The following TRPM1 variants were observed in gnomAD, a reference collection of about 807,000 sequenced individuals.
TRPM1 encodes TRPM1-203 APA Isoform, Intron 10.
TRPM1 carries 113 observed loss-of-function variants against 149.4 expected under a neutral mutation model. The ratio of observed to expected loss-of-function variants is 0.76; its 90% CI spans 0.65 to 0.88. The LOEUF (loss-of-function observed/expected upper bound fraction) is 0.88. Among genes scored for constraint, TRPM1 ranks in the 40% least tolerant of loss-of-function variants. The pLI, the probability that TRPM1 is intolerant of heterozygous loss-of-function variation, is 0.00. For synonymous variants in TRPM1, 741 were observed against 759.5 expected (o/e 0.98, Z 0.40); for missense variants, 1,976 against 2,038.7 (o/e 0.97, Z 0.59).
At chr15:31,082,691 CTTAT>C (rs2034892496) in intron 1 of TRPM1, among the ~76,000 whole-genome samples, 1 of 152,068 alleles carries the variant, frequency 6.6e-6, no homozygotes, top group African/African-American at 2.4e-5. Context: ...CAGCTCTGTA[CTTAT>C]TTATTTTTTA....
At chr15:31,110,120 C>A (rs1262532444) in intron 1 of TRPM1, among the ~76,000 whole-genome samples, 2 of 152,110 alleles carry the variant, frequency 1.3e-5, no homozygotes, top group Non-Finnish European at 2.9e-5. Context: ...CTGTTGAATT[C>A]TTTACATATA....
chr15:31,028,431 G>A lies in TRPM1; in HGVS notation c.3194C>T (p.Pro1065Leu), dbSNP rs2032893734. Residue 1065 changes from proline to leucine, a missense_variant, in exon 25 of 28, where the codon CCT (proline) becomes CTT (leucine). This residue lies in a region of TRPM1 where 1,332 missense variants were observed against 1,347.1 expected (regional missense o/e 0.99). Coordinates refer to ENST00000256552, the MANE Select transcript of TRPM1 (RefSeq NM_001252024.2). ...GAGCCAGGCGCCGGGGATACAGGGA[G>A]GAAGCCGCTTGCCCTCCTCATCATA... ...NLYDEEGKRLPPCIPGAWLTP... is the reference protein window; with the variant it reads ...NLYDEEGKRLLPCIPGAWLTP... 6.2e-7 allele frequency: 1 copy of A among 1,614,104 alleles called. No individual in the cohort carries two copies. The highest frequency in any genetic ancestry group is 8.5e-7 in the Non-Finnish European group (1 of 1,180,036).
Position 31,001,691 on chromosome 15 carries a change from G to A in TRPM1, c.*131C>T. On this transcript the variant is annotated 3_prime_UTR_variant, in exon 28 of 28. Coordinates refer to ENST00000256552, the MANE Select transcript of TRPM1 (RefSeq NM_001252024.2). ...AATACTACTTTTAGTGCATTAAATT[G>A]TAAATCAAGTCTGAATTTCCAAAAT... The A allele has an allele frequency of 1.1e-6, 1 of 936,022 alleles. No homozygotes were observed. Among genetic ancestry groups the A allele is most frequent in the Non-Finnish European group, 1.6e-6 (1 of 633,890 alleles). The allele number at this position is 936,022 out of a possible 1,614,324, so 58.0% of individuals were successfully genotyped here.
intron 1 of TRPM1, among the ~76,000 whole-genome samples, chr15:31,093,375 C>CA (rs1196014065): frequency 6.7e-6 from 1 of 148,768 alleles, no homozygotes; most frequent in Non-Finnish European, 1.5e-5. Context: ...GATCACCATA[C>CA]AAAAATTGGA....
chr15:31,060,721 GCA>G, intron 10 of TRPM1, 77 bp from the exon 11 acceptor site: 1 of 1,166,532 alleles, frequency 8.6e-7, no homozygotes, highest in Non-Finnish European at 1.3e-6. Flanking sequence ...TGGGTGGTGA[GCA>G]CAGGCTTCCC....
chr15:31,118,464 T>C (rs1441802014), intron 1 of TRPM1, among the ~76,000 whole-genome samples: 2 of 151,920 alleles, frequency 1.3e-5, no homozygotes, highest in African/African-American at 4.8e-5. Flanking sequence ...TATGTGGACC[T>C]ATCGTGTTCA....
chr15:31,062,992 A>T lies in TRPM1; in HGVS notation c.965+126T>A. 2.3e-6 allele frequency: 3 copies of T among 1,312,202 alleles called. 1 individual carries two copies. The highest frequency in any genetic ancestry group is 2.1e-6 in the Non-Finnish European group (2 of 930,838). 81.3% of individuals were successfully genotyped at this position (1,312,202 alleles called of 1,614,324 possible). A position where few individuals can be genotyped will look rare whatever the true frequency, so the allele number is the denominator to read the frequency against. On this transcript the variant is annotated intron_variant, in intron 8 of 27. Coordinates refer to ENST00000256552, the MANE Select transcript of TRPM1 (RefSeq NM_001252024.2). ...TGCTGACCTGAGGAAATGGGAGAGG[A>T]GATCTAGCAAATCTTCCTGATTTAA...
chr15:31,036,658 C>T (rs944446759), intron 20 of TRPM1, among the ~76,000 whole-genome samples: 5 of 152,238 alleles, frequency 3.3e-5, no homozygotes, highest in African/African-American at 9.6e-5. Flanking sequence ...TGAGAGGCCT[C>T]GATGGCTTCC....
chr15:31,030,322 G>T (rs563345980), intron 23 of TRPM1, among the ~76,000 whole-genome samples: 16 of 152,054 alleles, frequency 1.1e-4, no homozygotes, highest in South Asian at 4.1e-4. Context: ...GACTAAAAGT[G>T]CCTCCTTCAC....
chr15:31,125,662 G>A (rs866039091), intron 1 of TRPM1, among the ~76,000 whole-genome samples: 9 of 135,222 alleles, frequency 6.7e-5, no homozygotes, highest in Non-Finnish European at 1.1e-4. Flanking sequence ...CCCGGGAGGC[G>A]GAGCTTGCAG....
chr15:31,068,200 C>T (rs2140964249), intron 4 of TRPM1, 108 bp from the exon 5 acceptor site: 1 of 997,142 alleles, frequency 1.0e-6, no homozygotes, highest in Non-Finnish European at 1.6e-6. Flanking sequence ...TGGCTTGTCT[C>T]TTCCTCAGGG....
At chr15:31,106,515 C>T (rs8025698), upstream of TRPM1, among the ~76,000 whole-genome samples, 61,433 of 152,062 alleles carry the variant, frequency 0.4, 13,066 homozygotes, top group East Asian at 0.72. Flanking sequence ...TGTTTCTCTC[C>T]GCCTCTTTCT....
Position 31,063,177 on chromosome 15 carries a change from A to G in TRPM1, c.906T>C (p.Asp302=). The G allele has an allele frequency of 2.5e-6, 4 of 1,614,222 alleles. No individual in the cohort carries two copies. The highest frequency in any genetic ancestry group is 3.4e-6 in the Non-Finnish European group (4 of 1,180,044). ...GGATGTCCGAGGCACGTCCGCTGCC[A>G]TCACAAATCACCACAGGGATGGGAG... ...EEPPIPVVIC[D]GSGRASDILS... is the part of the protein sequence containing the mutation. Residue 302 remains aspartate, a synonymous_variant, in exon 8 of 28, where the codon GAT becomes GAC. Transcript: ENST00000256552.
At chr15:31,072,928 A>C (rs2034598092) in intron 3 of TRPM1, among the ~76,000 whole-genome samples, 1 of 152,056 alleles carries the variant, frequency 6.6e-6, no homozygotes, top group Admixed American at 6.6e-5. Flanking sequence ...CCCTTATCAG[A>C]GACATAATTC....
chr15:31,113,191 G>T (rs1223786372), intron 1 of TRPM1, among the ~76,000 whole-genome samples: 1 of 152,146 alleles, frequency 6.6e-6, no homozygotes. Context: ...ACCTTCTCCA[G>T]CTGGTGAATG....
At chr15:31,045,425 C>T (rs902742317) in intron 16 of TRPM1, among the ~76,000 whole-genome samples, 4 of 152,136 alleles carry the variant, frequency 2.6e-5, no homozygotes, top group Admixed American at 2.0e-4. Flanking sequence ...TCTAACTCCC[C>T]CCAAATTTTT....
At position 31,026,934 on chromosome 15, in the gene TRPM1, C is replaced by T; in HGVS notation, c.3477G>A (p.Glu1159=). 6.2e-7 allele frequency: 1 copy of T among 1,614,012 alleles called. No individual in the cohort carries two copies. The change falls in exon 26 of 28, where the codon GAG becomes GAA. Residue 1159 remains glutamate, a synonymous_variant. Transcript: ENST00000256552. The part of the protein sequence containing the change: ...RCRKKREGDQ[E]ERDRGLKLFL... ...ACATACTCAATCCACGATCCCGTTC[C>T]TCTTGGTCCCCTTCTCTCTTTTTCC...
rs746545492 is a variant in TRPM1, at chr15:31,001,911, T to G, written c.4789A>C (p.Ser1597Arg). 1 of 1,614,200 alleles carries G rather than the reference T, an allele frequency of 6.2e-7. No homozygotes were observed. The highest frequency in any genetic ancestry group is 8.5e-7 in the Non-Finnish European group (1 of 1,180,030). Residue 1597 changes from serine to arginine, a missense_variant, in exon 28 of 28, where the codon AGT becomes CGT. This residue lies in a region of TRPM1 where 572 missense variants were observed against 578.9 expected (regional missense o/e 0.99). Transcript: ENST00000256552. ...GKLDRSGHASSVSSLVIVSGM... is the reference protein window; with the variant it reads ...GKLDRSGHASRVSSLVIVSGM... ...GACACAATTACTAAGCTGCTTACACTACTGGCATGTCCAGATCTGTCTAAC... is the reference window on the plus strand; with the variant it reads ...GACACAATTACTAAGCTGCTTACACGACTGGCATGTCCAGATCTGTCTAAC...
chr15:31,055,711 C>T (rs182493321), intron 11 of TRPM1, among the ~76,000 whole-genome samples: 17 of 152,282 alleles, frequency 1.1e-4, no homozygotes, highest in East Asian at 3.9e-4. Flanking sequence ...GAGGTTCAGG[C>T]GATACTCTCC....
Sources: gnomAD v4.1 joint callset for allele counts (sites outside exome capture counted in the v4.1 genomes callset) on GRCh38, gnomAD v4.1.1 for gene constraint, gnomAD v4.1.1 regional missense constraint, MANE v1.5 for transcripts, NCBI Gene and HGNC (gene_info 2026-07-23, HGNC 2026-07-21) for gene names.